SYN2: variants seen among roughly 807,000 people sequenced by gnomAD.
SYN2 encodes the protein synapsin-2.
SYN2 carries 19 observed loss-of-function variants against 50.9 expected under a neutral mutation model. That is an observed-to-expected ratio of 0.37 (90% CI 0.26 to 0.55). The LOEUF (loss-of-function observed/expected upper bound fraction) is 0.55, where lower values mean the gene tolerates loss of function less well. SYN2 is among the 20% of genes least tolerant of loss of function. SYN2 has a pLI of 0.81. For synonymous variants in SYN2, 255 were observed against 224.9 expected (o/e 1.13, Z -1.20); for missense variants, 587 against 576.4 (o/e 1.02, Z -0.19).
chr3:12,145,806 A>G lies in SYN2; in HGVS notation c.655A>G (p.Ile219Val). 1.9e-6 allele frequency: 3 copies of G among 1,613,968 alleles called. No individual in the cohort carries two copies. Among genetic ancestry groups the G allele is most frequent in the Non-Finnish European group, 2.5e-6 (3 of 1,179,874 alleles). The change falls in exon 4 of 13, where the codon ATA (isoleucine) becomes GTA (valine). Residue 219 changes from isoleucine to valine, a missense_variant. By Grantham distance (29) the Ile-to-Val change is conservative. Coordinates refer to ENST00000621198, the MANE Select transcript of SYN2 (RefSeq NM_133625.6). ...GLPSINSLESIYNFCDKPWVF... is the reference protein window; with the variant it reads ...GLPSINSLESVYNFCDKPWVF... ...CCCCAGCATCAACTCACTGGAATCCATATACAACTTCTGTGACAAGCCATG... is the reference window on the plus strand; with the variant it reads ...CCCCAGCATCAACTCACTGGAATCCGTATACAACTTCTGTGACAAGCCATG...
Position 12,140,692 on chromosome 3 carries a change from A to G in SYN2, c.419A>G (p.Asp140Gly), listed in dbSNP as rs776084077. 5.2e-6 allele frequency: 4 copies of G among 763,348 alleles called. No homozygotes were observed. Among genetic ancestry groups the G allele is most frequent in the East Asian group, 4.9e-5 (2 of 40,902 alleles). The allele number at this position is 763,348 out of a possible 1,614,324, so 47.3% of individuals were successfully genotyped here. A position where few individuals can be genotyped will look rare whatever the true frequency, so the allele number is the denominator to read the frequency against. Residue 140 changes from aspartate to glycine, a missense_variant, in exon 2 of 13, where the codon GAT becomes GGT. By Grantham distance (94) the Asp-to-Gly change is moderately conservative. Coordinates refer to ENST00000621198, the MANE Select transcript of SYN2 (RefSeq NM_133625.6). Reference sequence around the variant, plus strand: ...GGCAAAAAAGTCCTTGGAGATTATGATATCAAGGTGGAACAGGTAATCAGC... The same window carrying G: ...GGCAAAAAAGTCCTTGGAGATTATGGTATCAAGGTGGAACAGGTAATCAGC... ...FRGKKVLGDYDIKVEQAEFSE... is the reference protein window; with the variant it reads ...FRGKKVLGDYGIKVEQAEFSE...
intron 1 of SYN2, among the ~76,000 whole-genome samples, chr3:12,063,055 T>C (rs1033039121): frequency 6.6e-6 from 1 of 151,560 alleles, no homozygotes; most frequent in Non-Finnish European, 1.5e-5. Flanking sequence ...AGCAAAAGGA[T>C]TGGTGTTTGC....
chr3:12,085,755 G>T (rs1695688082), intron 1 of SYN2, among the ~76,000 whole-genome samples: 1 of 152,100 alleles, frequency 6.6e-6, no homozygotes, highest in East Asian at 1.9e-4. Context: ...TGCAGCAAAA[G>T]CAGTCCTGAG....
intron 1 of SYN2, among the ~76,000 whole-genome samples, chr3:12,097,339 G>A (rs1695956412): frequency 6.6e-6 from 1 of 152,140 alleles, no homozygotes; most frequent in Non-Finnish European, 1.5e-5. Context: ...GGGTGCGGTG[G>A]CTAATGCTTG....
intron 5 of SYN2, among the ~76,000 whole-genome samples, chr3:12,159,670 C>G (rs1421687273): frequency 6.6e-6 from 1 of 152,176 alleles, no homozygotes; most frequent in African/African-American, 2.4e-5. Context: ...TCTCGAGGCC[C>G]TAGACTACAT....
chr3:12,107,749 T>A (rs758348408), intron 1 of SYN2, among the ~76,000 whole-genome samples: 1 of 151,710 alleles, frequency 6.6e-6, no homozygotes, highest in Non-Finnish European at 1.5e-5. Flanking sequence ...ATTTTAAAAA[T>A]GCTATATAAG....
At position 12,169,726 on chromosome 3, in the gene SYN2, C is replaced by T. The variant is rs547474302; in HGVS notation, c.1159-31C>T. 30 of 1,612,364 alleles carry T rather than the reference C, an allele frequency of 1.9e-5. 1 individual carries two copies. In the African/African-American group the frequency reaches 3.5e-4, roughly 19 times the overall value. On this transcript the variant is annotated intron_variant, in intron 9 of 12. Coordinates refer to ENST00000621198, the MANE Select transcript of SYN2 (RefSeq NM_133625.6). Reference sequence around the variant, plus strand: ...CCAGGCCATTTATGTTTCCAGACCCCTTTCCTCACCTGGGACACATCTCCC... The same window carrying T: ...CCAGGCCATTTATGTTTCCAGACCCTTTTCCTCACCTGGGACACATCTCCC...
At chr3:12,079,989 T>C (rs1484141463) in intron 1 of SYN2, among the ~76,000 whole-genome samples, 1 of 152,148 alleles carries the variant, frequency 6.6e-6, no homozygotes, top group African/African-American at 2.4e-5. Context: ...AACTTGTTAT[T>C]GGTCTTTTCA....
chr3:12,122,419 G>GAAGAA (rs1696580661), intron 1 of SYN2, among the ~76,000 whole-genome samples: 2 of 152,122 alleles, frequency 1.3e-5, no homozygotes, highest in African/African-American at 2.4e-5. Flanking sequence ...TGTTGTATCA[G>GAAGAA]GCCTCTTGGG....
intron 5 of SYN2, chr3:12,154,315 A>G: frequency 9.3e-6 from 15 of 1,614,210 alleles, no homozygotes; most frequent in Non-Finnish European, 1.2e-5. Flanking sequence ...TTGGAAATGG[A>G]CATTCCCTTA....
In SYN2 at chr3:12,169,908, T is replaced by G. The variant is rs773718233; in HGVS notation, c.1308+2T>G. The G allele has an allele frequency of 6.2e-7, 1 of 1,604,576 alleles. No homozygotes were observed. The highest frequency in any genetic ancestry group is 8.5e-7 in the Non-Finnish European group (1 of 1,175,400). ...CCCCTAACAACCCAGCAGCCACAGG[T>G]AAGCAGCTAGGAAGAGACATAGCAG... On this transcript the variant is annotated splice_donor_variant, in intron 10 of 12. Transcript: ENST00000621198. LOFTEE classifies it high-confidence loss of function.
intron 1 of SYN2, among the ~76,000 whole-genome samples, chr3:12,035,062 A>G (rs6767059): frequency 0.045 from 6,831 of 152,322 alleles, 201 homozygotes; most frequent in Non-Finnish European, 0.066. Context: ...TGGGACAGGC[A>G]TAGGATAGAC....
At chr3:12,094,553 C>A (rs1422078149) in intron 1 of SYN2, among the ~76,000 whole-genome samples, 1 of 152,228 alleles carries the variant, frequency 6.6e-6, no homozygotes, top group Non-Finnish European at 1.5e-5. Flanking sequence ...ATGCCATTTA[C>A]TTTTTGTGTA....
At chr3:12,151,119 A>T (rs1697276363) in intron 4 of SYN2, 118 bp from the exon 5 acceptor site, 1 of 700,892 alleles carries the variant, frequency 1.4e-6, no homozygotes, top group Non-Finnish European at 2.5e-6. Context: ...ATATCCTCAC[A>T]ATGCTTAGCA....
chr3:12,072,304 T>C (rs568178586), intron 1 of SYN2, among the ~76,000 whole-genome samples: 7 of 152,202 alleles, frequency 4.6e-5, no homozygotes, highest in Non-Finnish European at 8.8e-5. Context: ...ACTCTATTGA[T>C]AGTATCTTTT....
At chr3:12,025,614 A>G (rs1181634768) in intron 1 of SYN2, among the ~76,000 whole-genome samples, 1 of 152,192 alleles carries the variant, frequency 6.6e-6, no homozygotes, top group African/African-American at 2.4e-5. Context: ...CACATTACAT[A>G]GAAACTACAG....
intron 1 of SYN2, among the ~76,000 whole-genome samples, chr3:12,080,392 G>A (rs1215480622): frequency 6.6e-6 from 1 of 151,990 alleles, no homozygotes; most frequent in East Asian, 1.9e-4. Flanking sequence ...TAGTTGTGAT[G>A]TTAGGTTGTC....
intron 1 of SYN2, among the ~76,000 whole-genome samples, chr3:12,084,768 A>G (rs1695656045): frequency 6.6e-6 from 1 of 152,216 alleles, no homozygotes; most frequent in East Asian, 1.9e-4. Flanking sequence ...AAAATGGAAG[A>G]AGGAGTAAAA....
At chr3:12,119,204 T>TA (rs1357130500) in intron 1 of SYN2, among the ~76,000 whole-genome samples, 7 of 151,766 alleles carry the variant, frequency 4.6e-5, no homozygotes, top group African/African-American at 1.7e-4. Context: ...AAGTGTCAGC[T>TA]ATCCTTCCTT....
Sources: gnomAD v4.1 joint callset for allele counts (sites outside exome capture counted in the v4.1 genomes callset) on GRCh38, gnomAD v4.1.1 for gene constraint, MANE v1.5 for transcripts, NCBI Gene and HGNC (gene_info 2026-07-23, HGNC 2026-07-21) for gene names.